The following AGO1 variants were observed in gnomAD, a reference collection of about 807,000 sequenced individuals.
AGO1 encodes the protein protein argonaute-1.
In AGO1, 11 loss-of-function variants were observed where a neutral mutation model predicts 109.2. That is an observed-to-expected ratio of 0.10 (90% CI 0.06 to 0.17). AGO1 has a LOEUF of 0.17. AGO1 is among the 10% of genes least tolerant of loss of function. AGO1 has a pLI of 1.00. For missense variants in AGO1, 574 were observed against 1,140.3 expected, an observed-to-expected ratio of 0.50 and a Z score of 7.15; for synonymous variants, 422 against 418.6, an observed-to-expected ratio of 1.01 and a Z score of -0.10.
Position 35,918,351 on chromosome 1 carries a change from G to A in AGO1, c.2193G>A (p.Gly731=). The change falls in exon 17 of 19, where the codon GGG becomes GGA. Residue 731 remains glycine, a synonymous_variant. Transcript: ENST00000373204. ...GGAAGAGTGGTAACATCCCAGCTGG[G>A]ACCACAGTGGACACCAACATCACCC... ...RIGKSGNIPA[G]TTVDTNITHP... 1 of 1,614,072 alleles carries A rather than the reference G, an allele frequency of 6.2e-7. No homozygotes were observed. The highest frequency in any genetic ancestry group is 8.5e-7 in the Non-Finnish European group (1 of 1,179,998).
At chr1:35,882,739 T>G, upstream of AGO1, 25 of 912,418 alleles carry the variant, frequency 2.7e-5, no homozygotes, top group South Asian at 1.0e-4. The surrounding 1 kb of genome is among the most constrained non-coding windows in gnomAD (Gnocchi z 5.1). Context: ...GTGGCGTCAG[T>G]GAGTTCAGTG....
In AGO1 at chr1:35,920,983, G is replaced by C. The variant is rs557125243; in HGVS notation, c.*1376G>C. 1 of 152,810 alleles carries C rather than the reference G, an allele frequency of 6.5e-6. No individual in the cohort carries two copies. The highest frequency in any genetic ancestry group is 2.4e-5 in the African/African-American group (1 of 41,552). The allele number at this position is 152,810 out of a possible 1,614,324, so 9.5% of individuals were successfully genotyped here. On this transcript the variant is annotated 3_prime_UTR_variant, in exon 19 of 19. Transcript: ENST00000373204. ...GAACTGTGTACCTGATTTGTTCTCTGACCTGGCTAGGTAGGGAGGGGGTGG... is the reference window on the plus strand; with the variant it reads ...GAACTGTGTACCTGATTTGTTCTCTCACCTGGCTAGGTAGGGAGGGGGTGG...
chr1:35,884,771 A>G (rs944941282), intron 1 of AGO1, among the ~76,000 whole-genome samples: 1 of 152,196 alleles, frequency 6.6e-6, no homozygotes, highest in Non-Finnish European at 1.5e-5. Context: ...TTGCCTCAAG[A>G]AAACTGGAGT....
chr1:35,877,071 C>T (rs951859121), intron 1 of AGO1, among the ~76,000 whole-genome samples: 1 of 152,128 alleles, frequency 6.6e-6, no homozygotes, highest in African/African-American at 2.4e-5. Context: ...GGTTTTGGGG[C>T]CTTCGTGTGT....
chr1:35,912,056 G>A (rs1645642195), intron 12 of AGO1, among the ~76,000 whole-genome samples: 2 of 152,026 alleles, frequency 1.3e-5, no homozygotes, highest in Admixed American at 1.3e-4. Context: ...CTTCCTTAGT[G>A]ATCTCAAGAT....
chr1:35,920,475 G>A lies in AGO1; in HGVS notation c.*868G>A, dbSNP rs868386416. 6.6e-6 allele frequency: 1 copy of A among 152,580 alleles called. No homozygotes were observed. The highest frequency in any genetic ancestry group is 2.1e-4 in the South Asian group (1 of 4,828). 9.5% of individuals were successfully genotyped at this position (152,580 alleles called of 1,614,324 possible). A position where few individuals can be genotyped will look rare whatever the true frequency, so the allele number is the denominator to read the frequency against. ...GGTGGGAGAGGAGGTAGATGGGGAA[G>A]AAATACCCCAGACCCAACAAACCTC... On this transcript the variant is annotated 3_prime_UTR_variant, in exon 19 of 19. Coordinates refer to ENST00000373204, the MANE Select transcript of AGO1 (RefSeq NM_012199.5).
At chr1:35,895,659 T>C (rs1645304486) in intron 8 of AGO1, among the ~76,000 whole-genome samples, 1 of 152,218 alleles carries the variant, frequency 6.6e-6, no homozygotes, top group Admixed American at 6.5e-5. Flanking sequence ...ATACTACCTA[T>C]AATGTAAATC....
At chr1:35,886,906 G>C (rs996206016) in intron 1 of AGO1, among the ~76,000 whole-genome samples, 27 of 152,142 alleles carry the variant, frequency 1.8e-4, no homozygotes, top group African/African-American at 6.5e-4. Flanking sequence ...CTCAGTCTAG[G>C]GCAGTGAAGG....
At chr1:35,903,935 C>T (rs780366064) in intron 11 of AGO1, among the ~76,000 whole-genome samples, 5 of 151,006 alleles carry the variant, frequency 3.3e-5, no homozygotes, top group African/African-American at 4.9e-5. Context: ...TGCCCTCCAA[C>T]GTGGTAACAA....
chr1:35,882,792 GC>G, upstream of AGO1: 1 of 985,392 alleles, frequency 1.0e-6, no homozygotes, highest in Non-Finnish European at 1.2e-6. This position sits in a 1 kb window ranked among gnomAD's most constrained non-coding sequence, Gnocchi z 5.1. Flanking sequence ...TCGCTTTGCA[GC>G]CAAGGCTTGA....
At chr1:35,903,517 G>T (rs1645460217) in intron 11 of AGO1, among the ~76,000 whole-genome samples, 1 of 152,098 alleles carries the variant, frequency 6.6e-6, no homozygotes, top group Non-Finnish European at 1.5e-5. Flanking sequence ...GGGTAGTGGG[G>T]AAGTATGCCA....
intron 11 of AGO1, among the ~76,000 whole-genome samples, chr1:35,906,221 A>T (rs1381686077): frequency 1.3e-5 from 2 of 152,306 alleles, no homozygotes; most frequent in East Asian, 3.9e-4. Flanking sequence ...GAAGGAGGGA[A>T]CTCATTTTTA....
chr1:35,908,814 T>TG (rs1215106640), intron 12 of AGO1, among the ~76,000 whole-genome samples: 44 of 149,410 alleles, frequency 2.9e-4, no homozygotes, highest in African/African-American at 1.0e-3. Context: ...GTTCTAACCT[T>TG]CCTTTTTTTT....
chr1:35,887,044 G>A (rs1303475675), intron 1 of AGO1, among the ~76,000 whole-genome samples: 2 of 152,182 alleles, frequency 1.3e-5, no homozygotes, highest in African/African-American at 4.8e-5. Flanking sequence ...TAGGCAGCCA[G>A]GTGCTAGTAG....
Position 35,892,593 on chromosome 1 carries a change from T to C in AGO1, c.246T>C (p.Pro82=). Residue 82 remains proline, a synonymous_variant, in exon 3 of 19, where the codon CCT becomes CCC. Transcript: ENST00000373204. ...VVEYMVQHFK[P]QIFGDRKPVY... ...AATACATGGTCCAGCATTTCAAGCCTCAGATCTTTGGTGATCGCAAGCCTG... is the reference window on the plus strand; with the variant it reads ...AATACATGGTCCAGCATTTCAAGCCCCAGATCTTTGGTGATCGCAAGCCTG... The C allele has an allele frequency of 1.2e-6, 2 of 1,614,234 alleles. No homozygotes were observed. Among genetic ancestry groups the C allele is most frequent in the Non-Finnish European group, 1.7e-6 (2 of 1,180,050 alleles).
rs144887004 is a variant in AGO1 at position 35,902,641 on chromosome 1, GT to G, written c.1397+307del. Among the ~76,000 whole-genome samples, 178 of 152,272 alleles carry G rather than the reference GT, an allele frequency of 1.2e-3. 2 individuals are homozygous for G. The East Asian group carries it at 0.033, about 29-fold the overall frequency. On this transcript the variant is annotated intron_variant, in intron 11 of 18. Transcript: ENST00000373204. ...AAATAGTAGTAGTGATGACTGTAATGTTTACGCCAAAATTATACTTAAGTAC... is the reference window on the plus strand; with the variant it reads ...AAATAGTAGTAGTGATGACTGTAATGTTACGCCAAAATTATACTTAAGTAC...
At chr1:35,907,181 G>T in intron 12 of AGO1, 62 bp downstream of exon 12, 2 of 1,468,272 alleles carry the variant, frequency 1.4e-6, no homozygotes, top group African/African-American at 1.4e-5. Context: ...GTTCCCTGGG[G>T]TCTCCTGGGA....
intron 12 of AGO1, among the ~76,000 whole-genome samples, chr1:35,909,743 T>G (rs990633878): frequency 6.6e-6 from 1 of 152,202 alleles, no homozygotes; most frequent in Non-Finnish European, 1.5e-5. Context: ...CCTCTCTATA[T>G]ACACACCTAA....
In AGO1 at chr1:35,928,506, T is replaced by G. The variant is rs1164176522; in HGVS notation, c.*8899T>G. 6.6e-6 allele frequency: 1 copy of G among 152,176 alleles called. No individual in the cohort carries two copies. The highest frequency in any genetic ancestry group is 1.5e-5 in the Non-Finnish European group (1 of 68,050). The allele number at this position is 152,176 out of a possible 1,614,324, so 9.4% of individuals were successfully genotyped here. Reference sequence around the variant, plus strand: ...CTCATTAGTATTGCCCAGGCTGGCCTCTCTTAGCTTCAAGCTATCCTCCCG... The same window carrying G: ...CTCATTAGTATTGCCCAGGCTGGCCGCTCTTAGCTTCAAGCTATCCTCCCG... On this transcript the variant is annotated 3_prime_UTR_variant, in exon 19 of 19. Transcript: ENST00000373204.
Sources: allele counts gnomAD v4.1 joint callset (sites outside exome capture counted in the v4.1 genomes callset), GRCh38; gene constraint gnomAD v4.1.1; non-coding constraint Gnocchi (gnomAD v3.1); transcripts MANE v1.5; gene names NCBI Gene and HGNC (gene_info 2026-07-23, HGNC 2026-07-21).